CPA6: variants seen among roughly 807,000 people sequenced by gnomAD.
CPA6 encodes the protein carboxypeptidase B.
CPA6 carries 58 observed loss-of-function variants against 63.3 expected under a neutral mutation model. The ratio of observed to expected loss-of-function variants is 0.92; its 90% CI spans 0.74 to 1.14. The LOEUF (loss-of-function observed/expected upper bound fraction) is 1.14. Ranked by LOEUF, CPA6 falls within the 50% of genes most tolerant of loss-of-function variation. The probability of loss-of-function intolerance (pLI) is 0.00; values close to 1 mark genes in which losing one functional copy is unlikely to be tolerated. For synonymous variants in CPA6, 185 were observed against 179.0 expected, an observed-to-expected ratio of 1.03 and a Z score of -0.27; for missense variants, 565 against 526.6, an observed-to-expected ratio of 1.07 and a Z score of -0.71.
chr8:67,460,423 T>C (rs1810774786), intron 8 of CPA6, among the ~76,000 whole-genome samples: 2 of 152,274 alleles, frequency 1.3e-5, no homozygotes, highest in South Asian at 4.1e-4. Context: ...TGGCATAACC[T>C]GAAAATATGT....
At chr8:67,617,232 T>C (rs1255515657) in intron 2 of CPA6, among the ~76,000 whole-genome samples, 1 of 152,234 alleles carries the variant, frequency 6.6e-6, no homozygotes, top group Non-Finnish European at 1.5e-5. Flanking sequence ...AGAATGTTTC[T>C]AATGTATTTC....
At chr8:67,531,050 C>T (rs1397092891) in intron 2 of CPA6, among the ~76,000 whole-genome samples, 5 of 152,098 alleles carry the variant, frequency 3.3e-5, no homozygotes, top group African/African-American at 4.8e-5. Flanking sequence ...TTTTCAGATA[C>T]TAGTTTTATG....
At chr8:67,433,242 A>T (rs1413225214) in intron 9 of CPA6, among the ~76,000 whole-genome samples, 1 of 152,062 alleles carries the variant, frequency 6.6e-6, no homozygotes, top group African/African-American at 2.4e-5. Context: ...CCTCCCAATC[A>T]CTGCACCCCC....
chr8:67,451,180 A>C (rs1046806147), intron 8 of CPA6, among the ~76,000 whole-genome samples: 1 of 152,204 alleles, frequency 6.6e-6, no homozygotes, highest in Non-Finnish European at 1.5e-5. Context: ...GTACCAGTCC[A>C]TGGCTTACTA....
chr8:67,545,271 C>G (rs1812790628), intron 2 of CPA6, among the ~76,000 whole-genome samples: 1 of 152,090 alleles, frequency 6.6e-6, no homozygotes, highest in African/African-American at 2.4e-5. Flanking sequence ...ATTAATTTCT[C>G]CATAAACCCC....
At chr8:67,478,273 T>C (rs1365308057) in intron 8 of CPA6, among the ~76,000 whole-genome samples, 1 of 152,240 alleles carries the variant, frequency 6.6e-6, no homozygotes, top group Non-Finnish European at 1.5e-5. Flanking sequence ...GGAGCTTTCA[T>C]GCCCTTCCCA....
chr8:67,725,845 T>C (rs2623842), intron 1 of CPA6, among the ~76,000 whole-genome samples: 91,799 of 151,964 alleles, frequency 0.6, 29,142 homozygotes, highest in Admixed American at 0.7. Flanking sequence ...TGCTTGGCTA[T>C]TTACATTATA....
intron 1 of CPA6, among the ~76,000 whole-genome samples, chr8:67,681,296 G>C (rs1212045725): frequency 7.2e-6 from 1 of 139,448 alleles, no homozygotes; most frequent in South Asian, 2.3e-4. Flanking sequence ...TGCAAGCTCC[G>C]CTTCCCGGGT....
intron 9 of CPA6, among the ~76,000 whole-genome samples, chr8:67,428,523 G>A (rs541751237): frequency 9.9e-5 from 15 of 151,844 alleles, no homozygotes; most frequent in South Asian, 4.2e-4. Flanking sequence ...TCGCTCTGTC[G>A]CCCAGGCTGG....
chr8:67,716,228 A>T (rs1817379027), intron 1 of CPA6, among the ~76,000 whole-genome samples: 1 of 151,584 alleles, frequency 6.6e-6, no homozygotes, highest in Admixed American at 6.6e-5. Flanking sequence ...TCCATCTTGA[A>T]TAAGTGCTGG....
Position 67,666,924 on chromosome 8 carries a change from G to A in CPA6, c.117-42673C>T, listed in dbSNP as rs150021984. Among the ~76,000 whole-genome samples the A allele has an allele frequency of 1.5e-4, 23 of 152,192 alleles. No individual in the cohort carries two copies. The East Asian group carries it at 2.5e-3, about 17-fold the overall frequency. The stretch of plus-strand genomic sequence containing the variant: ...ATTAGTTATTGCTATGTCCAGAATC[G>A]CAAGCCTGGGGAAAAACCTGCTATG... On this transcript the variant is annotated intron_variant, in intron 1 of 10. Transcript: ENST00000297770.
At chr8:67,443,000 C>T (rs1351790989) in intron 8 of CPA6, among the ~76,000 whole-genome samples, 1 of 152,086 alleles carries the variant, frequency 6.6e-6, no homozygotes, top group African/African-American at 2.4e-5. Context: ...CAGCCCCATC[C>T]TTCTTTTCCC....
intron 1 of CPA6, among the ~76,000 whole-genome samples, chr8:67,725,434 A>G (rs1037313888): frequency 2.0e-5 from 3 of 152,228 alleles, no homozygotes; most frequent in Non-Finnish European, 2.9e-5. Context: ...CCATTTTCAA[A>G]ACTTCATGAC....
chr8:67,462,116 A>G (rs1025577798), intron 8 of CPA6, among the ~76,000 whole-genome samples: 1 of 151,958 alleles, frequency 6.6e-6, no homozygotes, highest in African/African-American at 2.4e-5. Context: ...CTGTCTAGCC[A>G]TCTATTTTTT....
intron 9 of CPA6, among the ~76,000 whole-genome samples, 172 bp downstream of exon 9, chr8:67,433,866 T>C (rs1259743782): frequency 6.6e-6 from 1 of 152,200 alleles, no homozygotes; most frequent in Non-Finnish European, 1.5e-5. Flanking sequence ...GTGGGGATAA[T>C]AAAAGCTGCC....
rs1220659098 is a variant in CPA6 at position 67,607,201 on chromosome 8, CT to C, written c.192+16974del. 2.8e-3 allele frequency among the ~76,000 whole-genome samples: 229 copies of C among 81,734 alleles called. 40 individuals are homozygous for C. The highest frequency in any genetic ancestry group is 0.011 in the African/African-American group (221 of 19,374). The allele number at this position is 81,734 out of a possible 152,430, so 53.6% of individuals were successfully genotyped here. A position where few individuals can be genotyped will look rare whatever the true frequency, so the allele number is the denominator to read the frequency against. On this transcript the variant is annotated intron_variant, in intron 2 of 10. Coordinates refer to ENST00000297770, the MANE Select transcript of CPA6 (RefSeq NM_020361.5). ...TCTTCTTCTTCTTCTTCTTCTTCTT[CT>C]TCTTCTTCTTCTTCTTCTTCTTCTT... is the stretch of plus-strand genomic sequence containing the variant.
chr8:67,623,364 C>T (rs1490870058), intron 2 of CPA6, among the ~76,000 whole-genome samples: 1 of 152,070 alleles, frequency 6.6e-6, no homozygotes, highest in Admixed American at 6.6e-5. Flanking sequence ...TTACATTCTA[C>T]CTTGGAGATG....
At chr8:67,715,445 A>G (rs1412643836) in intron 1 of CPA6, among the ~76,000 whole-genome samples, 1 of 152,234 alleles carries the variant, frequency 6.6e-6, no homozygotes, top group Non-Finnish European at 1.5e-5. Flanking sequence ...GAAGATTGGC[A>G]GTTTTTTAAC....
intron 2 of CPA6, among the ~76,000 whole-genome samples, chr8:67,578,471 T>C (rs1442141033): frequency 1.3e-5 from 2 of 152,196 alleles, no homozygotes; most frequent in African/African-American, 2.4e-5. Context: ...GTGTATCTTA[T>C]AGAGACACGG....
Sources: gnomAD v4.1 joint callset for allele counts (sites outside exome capture counted in the v4.1 genomes callset) on GRCh38, gnomAD v4.1.1 for gene constraint, MANE v1.5 for transcripts, NCBI Gene and HGNC (gene_info 2026-07-23, HGNC 2026-07-21) for gene names.